The following THAP6 variants were observed in gnomAD, a reference collection of about 807,000 sequenced individuals.
THAP6 encodes the protein THAP domain-containing protein 6.
In THAP6, 13 loss-of-function variants were observed where a neutral mutation model predicts 20.0. The ratio of observed to expected loss-of-function variants is 0.65; its 90% CI spans 0.42 to 1.03. The LOEUF (loss-of-function observed/expected upper bound fraction) is 1.03, where lower values mean the gene tolerates loss of function less well. Ranked by LOEUF, THAP6 falls within the 50% of genes least tolerant of loss-of-function variation. THAP6 has a pLI of 0.00. For synonymous variants in THAP6, 93 were observed against 92.2 expected (o/e 1.01, Z -0.05); for missense variants, 262 against 261.6 (o/e 1.00, Z -0.01).
At position 75,529,147 on chromosome 4, in the gene THAP6, A is replaced by G. The variant is rs1726563964; in HGVS notation, c.*1933A>G. ...GGCCACCCTAATGGAAAGTTTGGGT[A>G]TGATCTTAGGTTTTATGGAGATGTT... On this transcript the variant is annotated 3_prime_UTR_variant, in exon 5 of 5. Coordinates refer to ENST00000311638, the MANE Select transcript of THAP6 (RefSeq NM_144721.6). 7.1e-6 allele frequency: 7 copies of G among 982,112 alleles called. No homozygotes were observed. Among genetic ancestry groups the G allele is most frequent in the Non-Finnish European group, 8.5e-6 (7 of 826,912 alleles). The allele number at this position is 982,112 out of a possible 1,614,324, so 60.8% of individuals were successfully genotyped here.
intron 1 of THAP6, 62 bp from the exon 2 acceptor site, chr4:75,515,371 A>G: frequency 1.6e-5 from 23 of 1,471,018 alleles, no homozygotes; most frequent in Non-Finnish European, 2.1e-5. Flanking sequence ...ACACCGGGAA[A>G]GGGAAAATAT....
rs1009106250 is a variant in THAP6 at position 75,529,348 on chromosome 4, C to A, written c.*2134C>A. On this transcript the variant is annotated 3_prime_UTR_variant, in exon 5 of 5. Coordinates refer to ENST00000311638, the MANE Select transcript of THAP6 (RefSeq NM_144721.6). ...TTCCAAGAGTAAAATCCCAGTCTGC[C>A]ACTATCAAAATTGCCACAGTCACTT... The A allele has an allele frequency of 4.1e-6, 4 of 985,286 alleles. No homozygotes were observed. The South Asian group carries it at 1.9e-4, about 46-fold the overall frequency. 61.0% of individuals were successfully genotyped at this position (985,286 alleles called of 1,614,324 possible).
At chr4:75,542,553 G>T in intron 3 of THAP6, 1 of 672,074 alleles carries the variant, frequency 1.5e-6, no homozygotes, top group Non-Finnish European at 2.7e-6. Context: ...ACCCTATAAG[G>T]TAGGTACTAT....
At chr4:75,534,256 C>T (rs1456365961), downstream of THAP6, among the ~76,000 whole-genome samples, 1 of 152,084 alleles carries the variant, frequency 6.6e-6, no homozygotes, top group African/African-American at 2.4e-5. Context: ...GAAATAATAC[C>T]ACACATCTAC....
chr4:75,543,496 T>C (rs1411000061), intron 3 of THAP6, among the ~76,000 whole-genome samples: 1 of 152,214 alleles, frequency 6.6e-6, no homozygotes, highest in Non-Finnish European at 1.5e-5. Flanking sequence ...AATGTGTGCC[T>C]CCTTTCCAGT....
At chr4:75,542,693 T>C (rs1727038554) in intron 3 of THAP6, 1 of 443,422 alleles carries the variant, frequency 2.3e-6, no homozygotes, top group Non-Finnish European at 4.0e-6. Flanking sequence ...TTTGTTCTGA[T>C]CTACAATGCA....
At chr4:75,536,094 A>G (rs1406657503) in intron 2 of THAP6, among the ~76,000 whole-genome samples, 1 of 152,228 alleles carries the variant, frequency 6.6e-6, no homozygotes, top group Middle Eastern at 3.2e-3. Context: ...TCTAAAATGC[A>G]TATATCAATA....
downstream of THAP6, among the ~76,000 whole-genome samples, chr4:75,532,557 T>G (rs1444125143): frequency 1.3e-5 from 2 of 152,212 alleles, no homozygotes; most frequent in Admixed American, 6.5e-5. Context: ...GGACTCTGTG[T>G]GGGGGTTCCA....
chr4:75,516,268 A>G (rs948385523), intron 2 of THAP6, among the ~76,000 whole-genome samples: 25 of 152,248 alleles, frequency 1.6e-4, no homozygotes. Context: ...TCTGATCTCC[A>G]GAACTCCACA....
At chr4:75,516,751 T>C (rs1725675078) in intron 2 of THAP6, 21 bp from the exon 3 acceptor site, 1 of 1,598,108 alleles carries the variant, frequency 6.3e-7, no homozygotes, top group Admixed American at 1.7e-5. Context: ...TTTTAAAATA[T>C]TTTTTGTATT....
In THAP6 at chr4:75,521,880, G is replaced by A; in HGVS notation, c.414+19G>A. Reference sequence around the variant, plus strand: ...CATTTTTGTAAGTAAATTACTTGCTGAGCTCATGTTAATTCTTTTAAGATG... The same window carrying A: ...CATTTTTGTAAGTAAATTACTTGCTAAGCTCATGTTAATTCTTTTAAGATG... On this transcript the variant is annotated intron_variant, in intron 4 of 4. Transcript: ENST00000311638. 1 of 1,612,908 alleles carries A rather than the reference G, an allele frequency of 6.2e-7. No homozygotes were observed. The highest frequency in any genetic ancestry group is 8.5e-7 in the Non-Finnish European group (1 of 1,179,306).
At chr4:75,515,684 A>G (rs1725543939) in intron 2 of THAP6, 152 bp downstream of exon 2, 1 of 638,804 alleles carries the variant, frequency 1.6e-6, no homozygotes, top group Non-Finnish European at 2.7e-6. Flanking sequence ...TGATACCTTT[A>G]CATGTTTATA....
rs1319822320 is a variant in THAP6, at chr4:75,526,990, A to G, written c.445A>G (p.Lys149Glu). The change falls in exon 5 of 5, where the codon AAG becomes GAG. Residue 149 changes from lysine to glutamate, a missense_variant. Physicochemically the swap from Lys to Glu is moderately conservative, Grantham distance 56. Transcript: ENST00000311638. The stretch of plus-strand genomic sequence containing the variant: ...TAGCTACAGTGTAATGGACAGTCCA[A>G]AGAAACTTAAGCATAAATTAGATCA... ...EHSYSVMDSP[K>E]KLKHKLDHVI... The G allele has an allele frequency of 3.1e-6, 5 of 1,613,964 alleles. No homozygotes were observed. Among genetic ancestry groups the G allele is most frequent in the African/African-American group, 2.7e-5 (2 of 74,946 alleles).
chr4:75,542,870 T>C (rs895040360), intron 3 of THAP6: 1 of 171,008 alleles, frequency 5.8e-6, no homozygotes, highest in African/African-American at 2.4e-5. Context: ...ATTTAGAGGC[T>C]GAAGGATAAA....
Position 75,515,679 on chromosome 4 carries a change from C to A in THAP6, c.80+147C>A. 4.6e-6 allele frequency: 3 copies of A among 649,740 alleles called. No homozygotes were observed. In the South Asian group the frequency reaches 6.4e-5, roughly 14 times the overall value. 40.2% of individuals were successfully genotyped at this position (649,740 alleles called of 1,614,324 possible). On this transcript the variant is annotated intron_variant, in intron 2 of 4. Transcript: ENST00000311638. ...TTAAATTTGAAGTGACAATGTGATA[C>A]CTTTACATGTTTATAATTTAGTTTA...
rs2148824522 is a variant in THAP6, at chr4:75,529,244, A to G, written c.*2030A>G. The stretch of plus-strand genomic sequence containing the variant: ...TTAAAGTAAGACAATGGAGTAAGTA[A>G]GAGGGTAGATCCAAACACAGTATGT... On this transcript the variant is annotated 3_prime_UTR_variant, in exon 5 of 5. Coordinates refer to ENST00000311638, the MANE Select transcript of THAP6 (RefSeq NM_144721.6). The G allele has an allele frequency of 1.0e-6, 1 of 985,222 alleles. No homozygotes were observed. The highest frequency in any genetic ancestry group is 1.1e-4 in the East Asian group (1 of 8,816). The allele number at this position is 985,222 out of a possible 1,614,324, so 61.0% of individuals were successfully genotyped here. A position where few individuals can be genotyped will look rare whatever the true frequency, so the allele number is the denominator to read the frequency against.
At chr4:75,534,362 T>C (rs1330383948), downstream of THAP6, among the ~76,000 whole-genome samples, 1 of 152,332 alleles carries the variant, frequency 6.6e-6, no homozygotes, top group South Asian at 2.1e-4. Context: ...TAGTCATATG[T>C]AGAAAGCTGA....
chr4:75,516,662 T>C (rs1383189609), intron 2 of THAP6, 110 bp from the exon 3 acceptor site: 2 of 842,248 alleles, frequency 2.4e-6, no homozygotes, highest in Non-Finnish European at 3.6e-6. Context: ...TTCTCAAGAC[T>C]AATAAACTAG....
In THAP6 at chr4:75,527,086, A is replaced by G; in HGVS notation, c.541A>G (p.Lys181Glu). The stretch of plus-strand genomic sequence containing the variant: ...TTTAGACCGAGAAAAACGTTTTCAG[A>G]AATCATTGAGGAAGACAATCAGGGA... ...NVLDREKRFQKSLRKTIRELK... is the reference protein window; with the variant it reads ...NVLDREKRFQESLRKTIRELK... Residue 181 changes from lysine (K) to glutamate (E), a missense_variant, in exon 5 of 5, where the codon AAA (lysine) becomes GAA (glutamate). Physicochemically the swap from Lys to Glu is moderately conservative, Grantham distance 56 (BLOSUM62 1). Transcript: ENST00000311638. The G allele has an allele frequency of 6.2e-7, 1 of 1,614,178 alleles. No individual in the cohort carries two copies. The highest frequency in any genetic ancestry group is 1.3e-5 in the African/African-American group (1 of 75,064).
Sources: allele counts gnomAD v4.1 joint callset (sites outside exome capture counted in the v4.1 genomes callset), GRCh38; gene constraint gnomAD v4.1.1; transcripts MANE v1.5; gene names NCBI Gene and HGNC (gene_info 2026-07-23, HGNC 2026-07-21).